ATG4C: variants seen among roughly 807,000 people sequenced by gnomAD.
The protein encoded by ATG4C is cysteine protease ATG4C.
Under a neutral mutation model 57.6 loss-of-function variants are expected in ATG4C, and 56 were observed. The observed-to-expected ratio is 0.97, with a 90% CI of 0.78 to 1.21. The LOEUF is 1.21. ATG4C is among the 50% of genes most tolerant of loss of function. The pLI, the probability that ATG4C is intolerant of heterozygous loss-of-function variation, is 0.00. For synonymous variants in ATG4C, 157 were observed against 174.1 expected (o/e 0.90, Z 0.78); for missense variants, 595 against 529.8 (o/e 1.12, Z -1.21).
At chr1:62,853,698 A>G (rs748423392) in intron 10 of ATG4C, among the ~76,000 whole-genome samples, 1 of 152,152 alleles carries the variant, frequency 6.6e-6, no homozygotes, top group Non-Finnish European at 1.5e-5. Context: ...CTCCTGCCTC[A>G]GCTTCTCAAA....
At chr1:62,818,588 A>G (rs1251722591) in intron 4 of ATG4C, among the ~76,000 whole-genome samples, 1 of 152,142 alleles carries the variant, frequency 6.6e-6, no homozygotes, top group Non-Finnish European at 1.5e-5. Context: ...ACAGAAAAGT[A>G]CAGAGAATAA....
chr1:62,839,527 T>G (rs1337093687), intron 9 of ATG4C, among the ~76,000 whole-genome samples: 1 of 152,214 alleles, frequency 6.6e-6, no homozygotes, highest in East Asian at 1.9e-4. Context: ...GCTGGGCAAA[T>G]GGTTATTTGT....
intron 6 of ATG4C, among the ~76,000 whole-genome samples, chr1:62,821,943 C>T (rs532569806): frequency 6.6e-6 from 1 of 152,174 alleles, no homozygotes; most frequent in South Asian, 2.1e-4. Flanking sequence ...CATGCAGTCA[C>T]ATGTAGAATT....
At chr1:62,845,839 T>A (rs1666311317) in intron 10 of ATG4C, among the ~76,000 whole-genome samples, 1 of 152,040 alleles carries the variant, frequency 6.6e-6, no homozygotes, top group Admixed American at 6.6e-5. Context: ...GAAGCTGGGA[T>A]TACAGGTGTG....
chr1:62,841,675 G>A (rs1014226835), intron 10 of ATG4C, 128 bp downstream of exon 10: 7 of 782,964 alleles, frequency 8.9e-6, no homozygotes, highest in Non-Finnish European at 1.3e-5. Flanking sequence ...ATTATTAGGA[G>A]TATTGTGAAT....
intron 3 of ATG4C, among the ~76,000 whole-genome samples, chr1:62,811,809 C>T (rs1181979990): frequency 6.6e-6 from 1 of 152,194 alleles, no homozygotes; most frequent in Non-Finnish European, 1.5e-5. Context: ...TACTTAACGT[C>T]ATAGATAGTT....
chr1:62,849,188 T>C (rs1401970243), intron 10 of ATG4C, among the ~76,000 whole-genome samples: 1 of 152,194 alleles, frequency 6.6e-6, no homozygotes, highest in Non-Finnish European at 1.5e-5. Context: ...GTCTTCAACA[T>C]ACCCAGTTGA....
At chr1:62,813,170 C>T (rs753682949) in intron 3 of ATG4C, among the ~76,000 whole-genome samples, 11 of 152,178 alleles carry the variant, frequency 7.2e-5, no homozygotes, top group Non-Finnish European at 1.6e-4. Context: ...CCAAGACAAT[C>T]CTAAGCAAAA....
intron 10 of ATG4C, among the ~76,000 whole-genome samples, chr1:62,858,988 T>G (rs894208658): frequency 6.6e-6 from 1 of 152,182 alleles, no homozygotes; most frequent in Non-Finnish European, 1.5e-5. Context: ...GATAAATGTG[T>G]TGTTAGGTGA....
intron 1 of ATG4C, among the ~76,000 whole-genome samples, chr1:62,799,530 T>G (rs1295628330): frequency 6.6e-6 from 1 of 152,196 alleles, no homozygotes; most frequent in Non-Finnish European, 1.5e-5. Context: ...AATAATGAAA[T>G]AACAACTCAA....
chr1:62,809,001 C>T (rs1664975626), intron 3 of ATG4C, among the ~76,000 whole-genome samples: 2 of 152,244 alleles, frequency 1.3e-5, no homozygotes, highest in South Asian at 4.1e-4. Flanking sequence ...GTCCCAATCA[C>T]GGCTCACTGC....
intron 1 of ATG4C, among the ~76,000 whole-genome samples, chr1:62,794,748 C>T (rs1386318166): frequency 6.6e-6 from 1 of 151,946 alleles, no homozygotes; most frequent in Non-Finnish European, 1.5e-5. Context: ...TTATAGAGTA[C>T]AAGTTCAGTG....
chr1:62,825,669 C>T (rs1264496974), intron 6 of ATG4C, among the ~76,000 whole-genome samples: 2 of 152,166 alleles, frequency 1.3e-5, no homozygotes, highest in African/African-American at 4.8e-5. Context: ...TCTCTCTAAA[C>T]TCCAGTTGCG....
intron 4 of ATG4C, among the ~76,000 whole-genome samples, chr1:62,818,506 G>T (rs1302045321): frequency 6.6e-6 from 1 of 151,932 alleles, no homozygotes; most frequent in African/African-American, 2.4e-5. Context: ...TTTACCCAAG[G>T]TTACTATTTT....
rs771247020 is a variant in ATG4C at position 62,819,051 on chromosome 1, A to G, written c.441A>G (p.Glu147=). 1.3e-6 allele frequency: 2 copies of G among 1,594,712 alleles called. No individual in the cohort carries two copies. Among genetic ancestry groups the G allele is most frequent in the South Asian group, 1.1e-5 (1 of 87,208 alleles). ...TGAATATTGAAAATTCAGACTCTGAATCATGGACTTCCCACACTGTCAAAA... is the reference window on the plus strand; with the variant it reads ...TGAATATTGAAAATTCAGACTCTGAGTCATGGACTTCCCACACTGTCAAAA... ...DALNIENSDS[E]SWTSHTVKKF... is the part of the protein sequence containing the mutation. The change falls in exon 5 of 11, where the codon GAA becomes GAG. Residue 147 remains glutamate (E), a synonymous_variant. Coordinates refer to ENST00000317868, the MANE Select transcript of ATG4C (RefSeq NM_032852.4).
chr1:62,861,612 CACACACACACACACAG>C (rs1183526892), intron 10 of ATG4C, among the ~76,000 whole-genome samples: 4,923 of 67,688 alleles, frequency 0.073, 116 homozygotes, highest in Middle Eastern at 0.24. Flanking sequence ...CACACACACA[CACACACACACACACAG>C]AGAGACACAA....
intron 10 of ATG4C, among the ~76,000 whole-genome samples, chr1:62,842,214 TAC>T (rs1247406913): frequency 6.6e-6 from 1 of 152,014 alleles, no homozygotes; most frequent in African/African-American, 2.4e-5. Context: ...TTTAAAGAAA[TAC>T]ACATAGTTTG....
At chr1:62,787,329 A>G (rs1219230151) in intron 1 of ATG4C, among the ~76,000 whole-genome samples, 1 of 152,142 alleles carries the variant, frequency 6.6e-6, no homozygotes, top group Non-Finnish European at 1.5e-5. Flanking sequence ...TCTGTTTTGA[A>G]TCTATCTGTA....
Position 62,819,331 on chromosome 1 carries a change from T to G in ATG4C, c.721T>G (p.Leu241Val). ...WYGPAVVAHI[L>V]RKAVEEARHP... ...TGGACCAGCTGTGGTTGCTCACATTTTAAGGTAAAATTGTTTTAAAATCTT... is the reference window on the plus strand; with the variant it reads ...TGGACCAGCTGTGGTTGCTCACATTGTAAGGTAAAATTGTTTTAAAATCTT... Residue 241 changes from leucine (L) to valine (V), a missense_variant, in exon 5 of 11, where the codon TTA becomes GTA. Physicochemically the swap from Leu to Val is conservative, Grantham distance 32. Coordinates refer to ENST00000317868, the MANE Select transcript of ATG4C (RefSeq NM_032852.4). The G allele has an allele frequency of 6.3e-7, 1 of 1,575,074 alleles. No individual in the cohort carries two copies. Among genetic ancestry groups the G allele is most frequent in the Non-Finnish European group, 8.6e-7 (1 of 1,166,368 alleles).
Sources: allele counts gnomAD v4.1 joint callset (sites outside exome capture counted in the v4.1 genomes callset), GRCh38; gene constraint gnomAD v4.1.1; transcripts MANE v1.5; gene names NCBI Gene and HGNC (gene_info 2026-07-23, HGNC 2026-07-21).